The following LOC128092252 variants were observed in gnomAD, a reference collection of about 807,000 sequenced individuals.
the LOC128092252 span, among the ~76,000 whole-genome samples, chr15:50,682,624 C>T: frequency 2.0e-5 from 3 of 151,472 alleles, no homozygotes; most frequent in South Asian, 6.3e-4. Flanking sequence ...CCAAAATTAA[C>T]TGTACCAAAA....
chr15:50,667,023 C>G, the LOC128092252 span, among the ~76,000 whole-genome samples: 1 of 152,048 alleles, frequency 6.6e-6, no homozygotes, highest in African/African-American at 2.4e-5. Context: ...TTCCTGGGGT[C>G]TGGATCAGGA....
chr15:50,654,516 T>C, the LOC128092252 span, among the ~76,000 whole-genome samples: 1 of 151,206 alleles, frequency 6.6e-6, no homozygotes, highest in Non-Finnish European at 1.5e-5. Context: ...AAACAGACCC[T>C]AAATGATGCA....
the LOC128092252 span, among the ~76,000 whole-genome samples, chr15:50,682,978 C>T: frequency 6.6e-6 from 1 of 151,236 alleles, no homozygotes; most frequent in Non-Finnish European, 1.5e-5. Flanking sequence ...CTCACTGCAA[C>T]CTCAAGCCAT....
the LOC128092252 span, among the ~76,000 whole-genome samples, chr15:50,668,509 T>C: frequency 6.6e-6 from 1 of 152,250 alleles, no homozygotes; most frequent in Non-Finnish European, 1.5e-5. Flanking sequence ...GATTTGTTTT[T>C]GTTTTTTGTT....
At chr15:50,674,028 G>A in the LOC128092252 span, among the ~76,000 whole-genome samples, 8 of 152,040 alleles carry the variant, frequency 5.3e-5, no homozygotes, top group African/African-American at 1.2e-4. Context: ...TTACTCTGTC[G>A]CCCAGGCTGG....
At chr15:50,684,349 TAA>T in the LOC128092252 span, among the ~76,000 whole-genome samples, 3 of 151,844 alleles carry the variant, frequency 2.0e-5, no homozygotes, top group Admixed American at 6.6e-5. Context: ...TCACAGGAAA[TAA>T]AGAGTAGAAG....
the LOC128092252 span, among the ~76,000 whole-genome samples, chr15:50,677,339 A>G: frequency 6.6e-6 from 1 of 151,782 alleles, no homozygotes; most frequent in African/African-American, 2.4e-5. Flanking sequence ...AAATACCATC[A>G]CACTGGAGGT....
At chr15:50,686,273 G>A in the LOC128092252 span, among the ~76,000 whole-genome samples, 3 of 152,206 alleles carry the variant, frequency 2.0e-5, no homozygotes, top group Non-Finnish European at 4.4e-5. Flanking sequence ...GCCTGGAGAG[G>A]CCCTCGCTGG....
chr15:50,670,810 G>GAAAAAAAA, the LOC128092252 span, among the ~76,000 whole-genome samples: 2 of 113,508 alleles, frequency 1.8e-5, no homozygotes, highest in Admixed American at 8.7e-5. Flanking sequence ...AAAAGAAAAA[G>GAAAAAAAA]AAAAAAAAAA....
chr15:50,651,914 AAAT>A, the LOC128092252 span, among the ~76,000 whole-genome samples: 2 of 151,880 alleles, frequency 1.3e-5, no homozygotes, highest in Admixed American at 1.3e-4. Flanking sequence ...TAAATAAATA[AAAT>A]AATAATTTTC....
the LOC128092252 span, among the ~76,000 whole-genome samples, chr15:50,662,282 G>A: frequency 6.6e-6 from 1 of 151,530 alleles, no homozygotes; most frequent in Non-Finnish European, 1.5e-5. Context: ...GAACCCTGGA[G>A]GGAGCTTGTA....
the LOC128092252 span, among the ~76,000 whole-genome samples, chr15:50,675,257 C>T: frequency 0.024 from 3,625 of 151,950 alleles, 139 homozygotes; most frequent in African/African-American, 0.082. Context: ...GCAGGAGAAT[C>T]GACTGAACCC....
chr15:50,662,029 C>T, the LOC128092252 span, among the ~76,000 whole-genome samples: 1 of 151,942 alleles, frequency 6.6e-6, no homozygotes, highest in Admixed American at 6.6e-5. Flanking sequence ...ACCAGCCTGG[C>T]CAACATAGTA....
At chr15:50,660,164 C>T in the LOC128092252 span, among the ~76,000 whole-genome samples, 8 of 151,952 alleles carry the variant, frequency 5.3e-5, no homozygotes, top group Non-Finnish European at 7.4e-5. Flanking sequence ...ATATCTTTAA[C>T]AAGTAGTAAG....
the LOC128092252 span, among the ~76,000 whole-genome samples, chr15:50,673,355 T>C: frequency 6.6e-6 from 1 of 152,236 alleles, no homozygotes; most frequent in South Asian, 2.1e-4. Flanking sequence ...TGTGAGATTT[T>C]GGTGCACCCA....
chr15:50,650,794 T>A, the LOC128092252 span, among the ~76,000 whole-genome samples: 1 of 152,060 alleles, frequency 6.6e-6, no homozygotes, highest in East Asian at 1.9e-4. Flanking sequence ...TCCAAAGTAA[T>A]CTAATTGCAT....
At chr15:50,662,035 T>G in the LOC128092252 span, among the ~76,000 whole-genome samples, 1 of 152,126 alleles carries the variant, frequency 6.6e-6, no homozygotes, top group Admixed American at 6.6e-5. Flanking sequence ...CTGGCCAACA[T>G]AGTAAAACCC....
At chr15:50,653,541 C>A in the LOC128092252 span, among the ~76,000 whole-genome samples, 41 of 152,178 alleles carry the variant, frequency 2.7e-4, no homozygotes, top group Admixed American at 4.6e-4. Flanking sequence ...CAAGAAGAAA[C>A]ACGAAGCTGT....
chr15:50,657,007 T>A, the LOC128092252 span, among the ~76,000 whole-genome samples: 1 of 152,114 alleles, frequency 6.6e-6, no homozygotes, highest in African/African-American at 2.4e-5. Context: ...CAATCCAATC[T>A]AAAAATGCAA....
Sources: gnomAD v4.1 joint callset for allele counts (sites outside exome capture counted in the v4.1 genomes callset) on GRCh38, gnomAD v4.1.1 for gene constraint, MANE v1.5 for transcripts.